The following LRP1B variants were observed in gnomAD, a reference collection of about 807,000 sequenced individuals.
LRP1B encodes the protein LDL receptor related protein 1B, also known as low-density lipoprotein receptor-related protein 1B.
A neutral mutation model predicts 556.6 loss-of-function variants in LRP1B; 217 were observed. The ratio of observed to expected loss-of-function variants is 0.39; its 90% CI spans 0.35 to 0.44. The LOEUF (loss-of-function observed/expected upper bound fraction) is 0.44, where lower values mean the gene tolerates loss of function less well. LRP1B is among the 20% of genes least tolerant of loss of function. The pLI is 1.00. For synonymous variants in LRP1B, 2,047 were observed against 1,865.8 expected, an observed-to-expected ratio of 1.10 and a Z score of -2.50; for missense variants, 5,053 against 5,620.8, an observed-to-expected ratio of 0.90 and a Z score of 3.23.
At chr2:141,857,392 G>A (rs12616316) in intron 1 of LRP1B, among the ~76,000 whole-genome samples, 27,076 of 151,768 alleles carry the variant, frequency 0.18, 2,907 homozygotes, top group Middle Eastern at 0.32. Flanking sequence ...CCAGGGTGAA[G>A]GGCAGTGGCA....
intron 3 of LRP1B, among the ~76,000 whole-genome samples, chr2:141,314,810 T>TATATATATA (rs1553493213): frequency 1.6e-5 from 2 of 123,502 alleles, no homozygotes. Flanking sequence ...AAAAAAAAAT[T>TATATATATA]TATATATATA....
At chr2:141,185,128 A>C (rs1399173864) in intron 7 of LRP1B, among the ~76,000 whole-genome samples, 1 of 152,084 alleles carries the variant, frequency 6.6e-6, no homozygotes, top group Non-Finnish European at 1.5e-5. Flanking sequence ...GAAAATGTTA[A>C]GGTTCTTTAT....
chr2:141,710,332 T>C (rs1236576943), intron 2 of LRP1B, among the ~76,000 whole-genome samples: 1 of 150,138 alleles, frequency 6.7e-6, no homozygotes, highest in Non-Finnish European at 1.5e-5. Context: ...TGAATACTGA[T>C]TTTTTTTTGT....
rs1707242089 is a variant in LRP1B, at chr2:142,115,818, T to TATTATATAC, written c.82+14829_82+14830insGTATATAAT. Among the ~76,000 whole-genome samples, 2 of 8,546 alleles carry TATTATATAC rather than the reference T, an allele frequency of 2.3e-4. 1 individual carries two copies. The highest frequency in any genetic ancestry group is 6.3e-4 in the African/African-American group (2 of 3,158). The allele number at this position is 8,546 out of a possible 152,430, so 5.6% of individuals were successfully genotyped here. A position where few individuals can be genotyped will look rare whatever the true frequency, so the allele number is the denominator to read the frequency against. ...ATATATGTAATATATATCATATATATGTAATATATATCATATATATGTAAT... is the reference window on the plus strand; with the variant it reads ...ATATATGTAATATATATCATATATATATTATATACGTAATATATATCATATATATGTAAT... On this transcript the variant is annotated intron_variant, in intron 1 of 90. Coordinates refer to ENST00000389484, the MANE Select transcript of LRP1B (RefSeq NM_018557.3).
intron 60 of LRP1B, among the ~76,000 whole-genome samples, chr2:140,474,319 T>G (rs1014278619): frequency 3.8e-4 from 58 of 151,920 alleles, no homozygotes; most frequent in African/African-American, 1.4e-3. Context: ...TCCTTACCAT[T>G]TCTCATCCTT....
intron 41 of LRP1B, among the ~76,000 whole-genome samples, chr2:140,640,634 C>T (rs565422805): frequency 5.3e-5 from 8 of 151,758 alleles, no homozygotes; most frequent in Admixed American, 2.6e-4. Flanking sequence ...CCGCCCACCT[C>T]GGCCTCCCAA....
At chr2:142,054,504 C>A (rs746418968) in intron 1 of LRP1B, among the ~76,000 whole-genome samples, 32 of 152,136 alleles carry the variant, frequency 2.1e-4, no homozygotes, top group Non-Finnish European at 3.8e-4. Flanking sequence ...TTCCTTCCTG[C>A]ATTTCGTACT....
intron 2 of LRP1B, among the ~76,000 whole-genome samples, chr2:141,645,894 T>G (rs1689545614): frequency 6.6e-6 from 1 of 152,090 alleles, no homozygotes; most frequent in Admixed American, 6.6e-5. Flanking sequence ...TAAGATTTAG[T>G]GCATTTTGAT....
At chr2:141,168,792 C>T (rs1680372312) in intron 7 of LRP1B, among the ~76,000 whole-genome samples, 1 of 152,064 alleles carries the variant, frequency 6.6e-6, no homozygotes, top group South Asian at 2.1e-4. Context: ...CTCTTCCCCA[C>T]TTCAGTCTCC....
At chr2:141,389,540 T>A (rs1689967611) in intron 3 of LRP1B, among the ~76,000 whole-genome samples, 1 of 152,088 alleles carries the variant, frequency 6.6e-6, no homozygotes, top group African/African-American at 2.4e-5. Context: ...TGAACGAATA[T>A]TCATTAATTT....
rs151184292 is a variant in LRP1B at position 140,508,104 on chromosome 2, C to T, written c.8399-1186G>A. ...GGGAATTCAATAATGCAAATAACAGCAACAATTACAATAATTGATATGTAA... is the reference window on the plus strand; with the variant it reads ...GGGAATTCAATAATGCAAATAACAGTAACAATTACAATAATTGATATGTAA... On this transcript the variant is annotated intron_variant, in intron 52 of 90. Coordinates refer to ENST00000389484, the MANE Select transcript of LRP1B (RefSeq NM_018557.3). Among the ~76,000 whole-genome samples the T allele has an allele frequency of 2.0e-3, 301 of 152,194 alleles. 2 individuals are homozygous for T. The highest frequency in any genetic ancestry group is 4.1e-3 in the Admixed American group (62 of 15,286).
At chr2:140,319,804 G>T (rs1410805628) in intron 82 of LRP1B, among the ~76,000 whole-genome samples, 1 of 152,254 alleles carries the variant, frequency 6.6e-6, no homozygotes, top group South Asian at 2.1e-4. Flanking sequence ...TCACAGTTGA[G>T]ATAACAGCTA....
chr2:142,055,692 C>G (rs1704642969), intron 1 of LRP1B, among the ~76,000 whole-genome samples: 1 of 152,128 alleles, frequency 6.6e-6, no homozygotes, highest in Non-Finnish European at 1.5e-5. Flanking sequence ...TGATATATTA[C>G]TCACAATGTC....
At chr2:141,782,240 A>G (rs1040654055) in intron 2 of LRP1B, among the ~76,000 whole-genome samples, 3 of 152,076 alleles carry the variant, frequency 2.0e-5, no homozygotes, top group South Asian at 2.1e-4. Context: ...GTTTTTTTGA[A>G]GTATATCTCT....
chr2:140,423,267 A>C (rs1325146218), intron 66 of LRP1B, among the ~76,000 whole-genome samples: 2 of 152,196 alleles, frequency 1.3e-5, no homozygotes, highest in East Asian at 3.9e-4. Context: ...CAATCAATAC[A>C]GCATTTAGTG....
intron 2 of LRP1B, among the ~76,000 whole-genome samples, chr2:141,553,757 T>C (rs916039912): frequency 7.6e-6 from 1 of 131,632 alleles, no homozygotes; most frequent in Non-Finnish European, 1.5e-5. Flanking sequence ...ATATATAATA[T>C]ATTATATATG....
intron 1 of LRP1B, among the ~76,000 whole-genome samples, chr2:141,812,266 A>C (rs550752378): frequency 6.6e-6 from 1 of 152,214 alleles, no homozygotes; most frequent in South Asian, 2.1e-4. Context: ...GAGACCATAT[A>C]ATTTATCACC....
rs192582684 is a variant in LRP1B at position 140,572,379 on chromosome 2, C to G, written c.7194+26252G>C. ...AGACGACATGCAAATAAATGGCCAACAGGTATCTGAAAAAACGGTCAACAT... is the reference window on the plus strand; with the variant it reads ...AGACGACATGCAAATAAATGGCCAAGAGGTATCTGAAAAAACGGTCAACAT... On this transcript the variant is annotated intron_variant, in intron 43 of 90. Transcript: ENST00000389484. Among the ~76,000 whole-genome samples, 264 of 151,416 alleles carry G rather than the reference C, an allele frequency of 1.7e-3. 3 individuals carry two copies. The highest frequency in any genetic ancestry group is 3.8e-3 in the Admixed American group (58 of 15,182).
chr2:141,766,804 A>G (rs1866024), intron 2 of LRP1B, among the ~76,000 whole-genome samples: 20,215 of 152,066 alleles, frequency 0.13, 1,472 homozygotes, highest in Non-Finnish European at 0.16. Flanking sequence ...CGTCTCTTCT[A>G]CAATTTCTTT....
Sources: allele counts gnomAD v4.1 joint callset (sites outside exome capture counted in the v4.1 genomes callset), GRCh38; gene constraint gnomAD v4.1.1; transcripts MANE v1.5; gene names NCBI Gene and HGNC (gene_info 2026-07-23, HGNC 2026-07-21).